The following NDST1 variants were observed in gnomAD, a reference collection of about 807,000 sequenced individuals.
NDST1 encodes the protein N-deacetylase and N-sulfotransferase 1.
NDST1 carries 35 observed loss-of-function variants against 92.8 expected under a neutral mutation model. The observed-to-expected ratio is 0.38, with a 90% CI of 0.29 to 0.50. The LOEUF (loss-of-function observed/expected upper bound fraction) is 0.50, where lower values mean the gene tolerates loss of function less well. Among genes scored for constraint, NDST1 ranks in the 20% least tolerant of loss-of-function variants. NDST1 has a pLI of 0.94. For synonymous variants in NDST1, 493 were observed against 500.3 expected (o/e 0.99, Z 0.19); for missense variants, 822 against 1,182.7 (o/e 0.69, Z 4.47).
At chr5:150,530,163 GT>G (rs1754657097) in intron 3 of NDST1, among the ~76,000 whole-genome samples, 1 of 152,224 alleles carries the variant, frequency 6.6e-6, no homozygotes, top group African/African-American at 2.4e-5. Context: ...TTAGGGGGAT[GT>G]TTTGGTGCCA....
chr5:150,510,056 G>T (rs1011659275), intron 1 of NDST1, among the ~76,000 whole-genome samples: 3 of 151,972 alleles, frequency 2.0e-5, no homozygotes, highest in Admixed American at 1.3e-4. Context: ...AACGAACAGG[G>T]GCTGTGGGGT....
intron 1 of NDST1, among the ~76,000 whole-genome samples, chr5:150,500,295 G>T (rs1342125863): frequency 6.6e-6 from 1 of 152,164 alleles, no homozygotes; most frequent in Admixed American, 6.5e-5. Context: ...CAGACCAGGG[G>T]GTCTATAGAC....
rs567562349 is a variant in NDST1 at position 150,552,903 on chromosome 5, A to G, written c.2530-310A>G. On this transcript the variant is annotated intron_variant, in intron 14 of 14. Transcript: ENST00000261797. ...CTTTTGTCACCCAGGCTGGAGTGCA[A>G]TCGCGTGATCTTGGCTCACTGCAAC... is the stretch of plus-strand genomic sequence containing the variant. 6.6e-5 allele frequency among the ~76,000 whole-genome samples: 10 copies of G among 152,158 alleles called. No homozygotes were observed. The East Asian group carries it at 1.4e-3, about 21-fold the overall frequency.
chr5:150,541,749 C>A, intron 9 of NDST1, 83 bp downstream of exon 9: 1 of 1,282,454 alleles, frequency 7.8e-7, no homozygotes, highest in Non-Finnish European at 1.1e-6. Flanking sequence ...TTGCCCTGGC[C>A]CCACTCCCGG....
upstream of NDST1, among the ~76,000 whole-genome samples, chr5:150,506,534 C>T (rs79740528): frequency 0.022 from 3,371 of 152,242 alleles, 125 homozygotes; most frequent in African/African-American, 0.076. Context: ...TGGACCCCTG[C>T]GAGGTACTTT....
chr5:150,516,279 C>G (rs957829708), intron 1 of NDST1, among the ~76,000 whole-genome samples: 1 of 152,194 alleles, frequency 6.6e-6, no homozygotes, highest in Non-Finnish European at 1.5e-5. Flanking sequence ...GTCAGACTCT[C>G]AAGAGAGGGA....
intron 14 of NDST1, among the ~76,000 whole-genome samples, chr5:150,552,153 C>G (rs935533214): frequency 6.6e-6 from 1 of 152,078 alleles, no homozygotes; most frequent in Non-Finnish European, 1.5e-5. Flanking sequence ...GTATGAGTCC[C>G]AACACCACTA....
At chr5:150,544,520 C>T (rs761892303) in intron 10 of NDST1, among the ~76,000 whole-genome samples, 2 of 152,208 alleles carry the variant, frequency 1.3e-5, no homozygotes, top group Non-Finnish European at 2.9e-5. Context: ...GCCCCCAGAA[C>T]GCTCTGATGA....
chr5:150,515,020 C>T (rs1387471994), intron 1 of NDST1, among the ~76,000 whole-genome samples: 3 of 152,176 alleles, frequency 2.0e-5, no homozygotes, highest in Admixed American at 6.5e-5. Flanking sequence ...GTCAGTAAGC[C>T]CTGGTCCTGC....
intron 1 of NDST1, among the ~76,000 whole-genome samples, chr5:150,509,543 T>A (rs1206387903): frequency 6.6e-6 from 1 of 152,080 alleles, no homozygotes; most frequent in Non-Finnish European, 1.5e-5. Flanking sequence ...TTTTTTGAGA[T>A]GGAGTTTCGC....
chr5:150,502,041 G>A (rs543689404), intron 1 of NDST1, among the ~76,000 whole-genome samples: 1 of 152,346 alleles, frequency 6.6e-6, no homozygotes, highest in African/African-American at 2.4e-5. Context: ...TGGAGGAGAG[G>A]GGCCAGAGGG....
At position 150,554,877 on chromosome 5, in the gene NDST1, G is replaced by A. The variant is rs1220156772; in HGVS notation, c.*1545G>A. On this transcript the variant is annotated 3_prime_UTR_variant, in exon 15 of 15. Coordinates refer to ENST00000261797, the MANE Select transcript of NDST1 (RefSeq NM_001543.5). ...ACCCCACCCCATTTAACAATGTGAA[G>A]TGACTGAGGCTGGGGTGCCTCTCCC... The A allele has an allele frequency of 6.5e-6, 1 of 152,798 alleles. No homozygotes were observed. The highest frequency in any genetic ancestry group is 1.5e-5 in the Non-Finnish European group (1 of 68,162). The allele number at this position is 152,798 out of a possible 1,614,324, so 9.5% of individuals were successfully genotyped here.
At position 150,531,041 on chromosome 5, in the gene NDST1, A is replaced by G. The variant is rs368023106; in HGVS notation, c.1009-1904A>G. Among the ~76,000 whole-genome samples, 5 of 151,970 alleles carry G rather than the reference A, an allele frequency of 3.3e-5. No individual in the cohort carries two copies. In the East Asian group the frequency reaches 9.7e-4, roughly 29 times the overall value. ...AGCCACAATCCTACTTGCCTTAAAC[A>G]TTTTTGTGAATAAGAAAGGGCAGAG... is the stretch of plus-strand genomic sequence containing the variant. On this transcript the variant is annotated intron_variant, in intron 3 of 14. Coordinates refer to ENST00000261797, the MANE Select transcript of NDST1 (RefSeq NM_001543.5).
intron 1 of NDST1, among the ~76,000 whole-genome samples, chr5:150,513,941 C>T (rs901305533): frequency 1.3e-5 from 2 of 152,260 alleles, no homozygotes; most frequent in African/African-American, 4.8e-5. Flanking sequence ...GCCATGGCGT[C>T]TCCATGACGA....
Position 150,553,530 on chromosome 5 carries a change from G to C in NDST1, c.*198G>C. 1 of 690,878 alleles carries C rather than the reference G, an allele frequency of 1.4e-6. No individual in the cohort carries two copies. The highest frequency in any genetic ancestry group is 1.5e-5 in the South Asian group (1 of 65,500). The allele number at this position is 690,878 out of a possible 1,614,324, so 42.8% of individuals were successfully genotyped here. On this transcript the variant is annotated 3_prime_UTR_variant, in exon 15 of 15. Coordinates refer to ENST00000261797, the MANE Select transcript of NDST1 (RefSeq NM_001543.5). The surrounding 1 kb of genome is among the most constrained non-coding windows in gnomAD (Gnocchi z 4.2). Reference sequence around the variant, plus strand: ...CGGAGCACCCACCGCTGGGTCTGCGGCCTAAGGGACCTCCCTCGCCAGCAG... The same window carrying C: ...CGGAGCACCCACCGCTGGGTCTGCGCCCTAAGGGACCTCCCTCGCCAGCAG...
At position 150,520,859 on chromosome 5, in the gene NDST1, T is replaced by C; in HGVS notation, c.-387-9T>C. 2.3e-6 allele frequency: 1 copy of C among 433,782 alleles called. No individual in the cohort carries two copies. The highest frequency in any genetic ancestry group is 3.8e-5 in the Admixed American group (1 of 26,088). 26.9% of individuals were successfully genotyped at this position (433,782 alleles called of 1,614,324 possible). ...ACTCTGACGCTCCTGTTCTCTCCAC[T>C]CTCCACAGCCTTAGCCCCGTGGGCC... is the stretch of plus-strand genomic sequence containing the variant. On this transcript the variant is annotated splice_polypyrimidine_tract_variant and intron_variant, in intron 1 of 14. Coordinates refer to ENST00000261797, the MANE Select transcript of NDST1 (RefSeq NM_001543.5).
At chr5:150,512,950 C>A (rs1380798914) in intron 1 of NDST1, among the ~76,000 whole-genome samples, 1 of 152,232 alleles carries the variant, frequency 6.6e-6, no homozygotes, top group Non-Finnish European at 1.5e-5. Context: ...TACCTGTAAT[C>A]CCAGCACTTT....
At position 150,553,697 on chromosome 5, in the gene NDST1, C is replaced by T; in HGVS notation, c.*365C>T. The T allele has an allele frequency of 2.4e-6, 1 of 415,020 alleles. No homozygotes were observed. The highest frequency in any genetic ancestry group is 4.6e-6 in the Non-Finnish European group (1 of 218,856). The allele number at this position is 415,020 out of a possible 1,614,324, so 25.7% of individuals were successfully genotyped here. On this transcript the variant is annotated 3_prime_UTR_variant, in exon 15 of 15. Transcript: ENST00000261797. The surrounding 1 kb of genome is among the most constrained non-coding windows in gnomAD (Gnocchi z 4.2). ...CACTCCCTGCTTCCGCAGGGCGCCC[C>T]TCAGTATTCGCTGCCATATGTCCCT...
chr5:150,522,061 T>C (rs879781767), intron 2 of NDST1, among the ~76,000 whole-genome samples: 4 of 152,140 alleles, frequency 2.6e-5, no homozygotes, highest in Non-Finnish European at 4.4e-5. Flanking sequence ...CAGAGGAGCA[T>C]GCTCTGCTAG....
Sources: allele counts gnomAD v4.1 joint callset (sites outside exome capture counted in the v4.1 genomes callset), GRCh38; gene constraint gnomAD v4.1.1; non-coding constraint Gnocchi (gnomAD v3.1); transcripts MANE v1.5; gene names NCBI Gene and HGNC (gene_info 2026-07-23, HGNC 2026-07-21).